The following ABCG8 variants were observed in gnomAD, a reference collection of about 807,000 sequenced individuals.
ABCG8 encodes the protein ATP binding cassette subfamily G member 8, also known as ATP-binding cassette sub-family G member 8.
Under a neutral mutation model 71.3 loss-of-function variants are expected in ABCG8, and 81 were observed. The ratio of observed to expected loss-of-function variants is 1.14; its 90% CI spans 0.95 to 1.37. ABCG8 has a LOEUF of 1.37. Ranked by LOEUF, ABCG8 falls within the 40% of genes most tolerant of loss-of-function variation. The pLI, the probability that ABCG8 is intolerant of heterozygous loss-of-function variation, is 0.00. For missense variants in ABCG8, 1,119 were observed against 866.2 expected, an observed-to-expected ratio of 1.29 and a Z score of -3.66; for synonymous variants, 451 against 354.7, an observed-to-expected ratio of 1.27 and a Z score of -3.05.
chr2:43,863,871 T>G (rs1669425877), intron 6 of ABCG8, among the ~76,000 whole-genome samples: 1 of 151,310 alleles, frequency 6.6e-6, no homozygotes, highest in Admixed American at 6.6e-5. Context: ...GGTAGAATTC[T>G]CACTCTCTGG....
At position 43,873,845 on chromosome 2, in the gene ABCG8, G is replaced by A. The variant is rs1219353019; in HGVS notation, c.1270G>A (p.Ala424Thr). The change falls in exon 9 of 13, where the codon GCC becomes ACC. Residue 424 changes from alanine to threonine, a missense_variant. Coordinates refer to ENST00000272286, the MANE Select transcript of ABCG8 (RefSeq NM_022437.3). ...CACCCTCCTCATCCATGGGGCGGAGGCCTGTCTGATGTCAATGACCATCGG... is the reference window on the plus strand; with the variant it reads ...CACCCTCCTCATCCATGGGGCGGAGACCTGTCTGATGTCAATGACCATCGG... ...LPTLLIHGAE[A>T]CLMSMTIGFL... 9 of 1,613,958 alleles carry A rather than the reference G, an allele frequency of 5.6e-6. No homozygotes were observed. Among genetic ancestry groups the A allele is most frequent in the Non-Finnish European group, 7.6e-6 (9 of 1,180,024 alleles).
At chr2:43,864,838 A>C (rs563112136) in intron 6 of ABCG8, among the ~76,000 whole-genome samples, 2 of 150,796 alleles carry the variant, frequency 1.3e-5, no homozygotes, top group African/African-American at 2.4e-5. Context: ...AATACTCACT[A>C]TCTGGATAGA....
intron 6 of ABCG8, among the ~76,000 whole-genome samples, chr2:43,867,499 A>T (rs774513392): frequency 5.0e-4 from 75 of 151,422 alleles, no homozygotes; most frequent in Non-Finnish European, 7.4e-5. Context: ...CACCCTCTGG[A>T]TAGAACTGTC....
Position 43,877,685 on chromosome 2 carries a change from T to C in ABCG8, c.1881T>C (p.Asp627=). Residue 627 remains aspartate, a synonymous_variant, in exon 12 of 13, where the codon GAT becomes GAC. Coordinates refer to ENST00000272286, the MANE Select transcript of ABCG8 (RefSeq NM_022437.3). ...ACCTCACCATCGCGGTCTCAGGAGATAAAGTAAGCGGGGAAGGCCTCGGGT... is the reference window on the plus strand; with the variant it reads ...ACCTCACCATCGCGGTCTCAGGAGACAAAGTAAGCGGGGAAGGCCTCGGGT... ...LGNLTIAVSG[D]KILSVMELDS... The C allele has an allele frequency of 5.0e-6, 8 of 1,613,844 alleles. No individual in the cohort carries two copies. The South Asian group carries it at 7.7e-5, about 16-fold the overall frequency.
chr2:43,846,020 G>A lies in ABCG8; in HGVS notation c.166-135G>A, dbSNP rs1668731598. ...TCCGTGTTTGGTAGAACCTGGGTTG[G>A]GGCCTATTGTGTGTAGGTGAGGACA... is the stretch of plus-strand genomic sequence containing the variant. On this transcript the variant is annotated intron_variant, in intron 2 of 12. Coordinates refer to ENST00000272286, the MANE Select transcript of ABCG8 (RefSeq NM_022437.3). 4 of 873,046 alleles carry A rather than the reference G, an allele frequency of 4.6e-6. No individual in the cohort carries two copies. In the Admixed American group the frequency reaches 7.5e-5, roughly 16 times the overall value. 54.1% of individuals were successfully genotyped at this position (873,046 alleles called of 1,614,324 possible). A position where few individuals can be genotyped will look rare whatever the true frequency, so the allele number is the denominator to read the frequency against.
In ABCG8 at chr2:43,877,918, C is replaced by G. The variant is rs774113249; in HGVS notation, c.*5C>G. ...AAACCAAGTCAAGACTGGTGATTCA[C>G]GCCAGACGTCTGCCCGCTGGTGGGG... On this transcript the variant is annotated 3_prime_UTR_variant, in exon 13 of 13. Coordinates refer to ENST00000272286, the MANE Select transcript of ABCG8 (RefSeq NM_022437.3). 6.2e-7 allele frequency: 1 copy of G among 1,614,114 alleles called. No individual in the cohort carries two copies. Among genetic ancestry groups the G allele is most frequent in the Middle Eastern group, 1.7e-4 (1 of 6,058 alleles).
At chr2:43,860,786 A>T (rs1572846903) in intron 6 of ABCG8, among the ~76,000 whole-genome samples, 1 of 136,200 alleles carries the variant, frequency 7.3e-6, no homozygotes, top group African/African-American at 2.8e-5. Context: ...TGCTGTATAG[A>T]ATTCTCACCC....
At chr2:43,856,699 A>T (rs1669120157) in intron 6 of ABCG8, among the ~76,000 whole-genome samples, 1 of 152,036 alleles carries the variant, frequency 6.6e-6, no homozygotes, top group South Asian at 2.1e-4. Flanking sequence ...TTCTGGATAG[A>T]ACTCTCACTA....
chr2:43,852,864 C>T lies in ABCG8; in HGVS notation c.960C>T (p.Phe320=), dbSNP rs1668976914. ...PCPRYSNPAD[F]YVDLTSIDRR... ...CTCGCTACAGCAATCCTGCTGACTT[C>T]TATGGTGAGTCCCCAAGGCCAGCAG... The change falls in exon 6 of 13, where the codon TTC becomes TTT. Residue 320 remains phenylalanine (F), a synonymous_variant. Transcript: ENST00000272286. The T allele has an allele frequency of 6.2e-7, 1 of 1,614,070 alleles. No individual in the cohort carries two copies. The highest frequency in any genetic ancestry group is 8.5e-7 in the Non-Finnish European group (1 of 1,180,026).
At chr2:43,850,044 A>G (rs1482119627) in intron 3 of ABCG8, among the ~76,000 whole-genome samples, 1 of 152,008 alleles carries the variant, frequency 6.6e-6, no homozygotes, top group Non-Finnish European at 1.5e-5. Context: ...TGCTAAAAAT[A>G]CAAAAATTAG....
In ABCG8 at chr2:43,875,288, T is replaced by C. The variant is rs1418885926; in HGVS notation, c.1631T>C (p.Ile544Thr). 6.2e-7 allele frequency: 1 copy of C among 1,614,198 alleles called. No individual in the cohort carries two copies. ...LVWLVVFCCR[I>T]MALAAAALLP... ...TGGCTGGTGGTCTTCTGTTGCAGGA[T>C]TATGGCCCTGGCCGCCGCGGCCCTG... The change falls in exon 11 of 13, where the codon ATT (isoleucine) becomes ACT (threonine). Residue 544 changes from isoleucine to threonine, a missense_variant. Coordinates refer to ENST00000272286, the MANE Select transcript of ABCG8 (RefSeq NM_022437.3).
At chr2:43,876,853 G>A (rs1276266960) in intron 11 of ABCG8, among the ~76,000 whole-genome samples, 3 of 144,246 alleles carry the variant, frequency 2.1e-5, no homozygotes, top group East Asian at 2.1e-4. Context: ...GGAGATCGTC[G>A]GAATATGGGG....
At chr2:43,870,892 C>G (rs946481388) in intron 6 of ABCG8, among the ~76,000 whole-genome samples, 1 of 151,722 alleles carries the variant, frequency 6.6e-6, no homozygotes, top group African/African-American at 2.4e-5. Flanking sequence ...CTCTCACTGT[C>G]TGTCTGGATA....
rs1329698673 is a variant in ABCG8 at position 43,844,547 on chromosome 2, G to A, written c.104G>A (p.Ser35Asn). The change falls in exon 2 of 13, where the codon AGC becomes AAC. Residue 35 changes from serine to asparagine, a missense_variant. Ser to Asn is a conservative substitution (Grantham distance 46, BLOSUM62 1). Transcript: ENST00000272286. Reference sequence around the variant, plus strand: ...TTGTTCTCCTCTGAAAGTGACAACAGCCTGTACTTCACCTACAGTGGCCAG... The same window carrying A: ...TTGTTCTCCTCTGAAAGTGACAACAACCTGTACTTCACCTACAGTGGCCAG... The part of the protein sequence containing the change: ...DRLFSSESDN[S>N]LYFTYSGQPN... 6.2e-7 allele frequency: 1 copy of A among 1,614,078 alleles called. No individual in the cohort carries two copies. The highest frequency in any genetic ancestry group is 8.5e-7 in the Non-Finnish European group (1 of 1,180,050).
Position 43,852,833 on chromosome 2 carries a change from C to T in ABCG8, c.929C>T (p.Pro310Leu), listed in dbSNP as rs1558812402. 2 of 1,614,152 alleles carry T rather than the reference C, an allele frequency of 1.2e-6. No individual in the cohort carries two copies. Among genetic ancestry groups the T allele is most frequent in the Non-Finnish European group, 1.7e-6 (2 of 1,180,028 alleles). Residue 310 changes from proline (P) to leucine (L), a missense_variant, in exon 6 of 13, where the codon CCC becomes CTC. By Grantham distance (98) the Pro-to-Leu change is moderately conservative. Coordinates refer to ENST00000272286, the MANE Select transcript of ABCG8 (RefSeq NM_022437.3). Reference protein sequence around the residue: ...MVQYFTAIGYPCPRYSNPADF... With the variant: ...MVQYFTAIGYLCPRYSNPADF... ...CAGTATTTCACAGCCATCGGCTACC[C>T]CTGTCCTCGCTACAGCAATCCTGCT... is the stretch of plus-strand genomic sequence containing the variant.
At chr2:43,873,112 A>G (rs1401274741) in intron 8 of ABCG8, among the ~76,000 whole-genome samples, 1 of 152,030 alleles carries the variant, frequency 6.6e-6, no homozygotes, top group East Asian at 1.9e-4. Flanking sequence ...CCACCCATTA[A>G]GTCCATCTTG....
intron 6 of ABCG8, among the ~76,000 whole-genome samples, chr2:43,856,110 C>G (rs1394328726): frequency 6.6e-6 from 1 of 151,730 alleles, no homozygotes; most frequent in Non-Finnish European, 1.5e-5. Context: ...GTATAGAATT[C>G]TCACACTCTG....
intron 6 of ABCG8, among the ~76,000 whole-genome samples, chr2:43,860,607 C>T (rs1669277220): frequency 6.6e-6 from 1 of 151,260 alleles, no homozygotes; most frequent in Non-Finnish European, 1.5e-5. Context: ...CACTGTCTAT[C>T]TCGATAAAAC....
rs1181722849 is a variant in ABCG8 at position 43,846,139 on chromosome 2, T to A, written c.166-16T>A. The A allele has an allele frequency of 1.2e-6, 2 of 1,612,626 alleles. No homozygotes were observed. Among genetic ancestry groups the A allele is most frequent in the Non-Finnish European group, 1.7e-6 (2 of 1,179,970 alleles). ...CCATTCAGCTCTCTAAGGAACCTTC[T>A]GATATCTCCCCACAGGTGGACCTGG... On this transcript the variant is annotated splice_polypyrimidine_tract_variant and intron_variant, in intron 2 of 12. Coordinates refer to ENST00000272286, the MANE Select transcript of ABCG8 (RefSeq NM_022437.3).
Sources: gnomAD v4.1 joint callset for allele counts (sites outside exome capture counted in the v4.1 genomes callset) on GRCh38, gnomAD v4.1.1 for gene constraint, MANE v1.5 for transcripts, NCBI Gene and HGNC (gene_info 2026-07-23, HGNC 2026-07-21) for gene names.